VRTN: variants seen among roughly 807,000 people sequenced by gnomAD.
VRTN encodes vertebrae development associated.
In VRTN, 5 loss-of-function variants were observed where a neutral mutation model predicts 18.2. The observed-to-expected ratio is 0.27, with a 90% CI of 0.14 to 0.58. The LOEUF (loss-of-function observed/expected upper bound fraction) is 0.58. VRTN is among the 20% of genes least tolerant of loss of function. The pLI is 0.91. For synonymous variants in VRTN, 381 were observed against 393.7 expected (o/e 0.97, Z 0.38); for missense variants, 741 against 939.4 (o/e 0.79, Z 2.76).
chr14:74,312,754 GT>G (rs57025624), intron 1 of VRTN, among the ~76,000 whole-genome samples: 102 of 130,304 alleles, frequency 7.8e-4, no homozygotes, highest in Admixed American at 7.9e-4. Flanking sequence ...CCTGGCCTGT[GT>G]TTTTTTTTTT....
At position 74,357,548 on chromosome 14, in the gene VRTN, C is replaced by A; in HGVS notation, c.765C>A (p.Ala255=). ...EVEAEGAPGV[A]PALPALAPLS... ...AGGCTGAAGGTGCCCCTGGCGTGGC[C>A]CCAGCTCTTCCAGCCCTGGCCCCAC... The change falls in exon 2 of 2, where the codon GCC becomes GCA. Residue 255 remains alanine, a synonymous_variant. Coordinates refer to ENST00000256362, the MANE Select transcript of VRTN (RefSeq NM_018228.3). This position sits in a 1 kb window ranked among gnomAD's most constrained non-coding sequence, Gnocchi z 7.8. The A allele has an allele frequency of 1.2e-6, 2 of 1,613,750 alleles. No homozygotes were observed. The highest frequency in any genetic ancestry group is 1.7e-6 in the Non-Finnish European group (2 of 1,180,012).
At chr14:74,326,173 A>G (rs2085486426) in intron 1 of VRTN, among the ~76,000 whole-genome samples, 2 of 152,146 alleles carry the variant, frequency 1.3e-5, no homozygotes. Context: ...GATATGTCCA[A>G]GCAGCATCCA....
chr14:74,304,911 G>A (rs1414115351), intron 1 of VRTN, among the ~76,000 whole-genome samples: 2 of 152,134 alleles, frequency 1.3e-5, no homozygotes, highest in East Asian at 1.9e-4. Flanking sequence ...AGCAAGCAAC[G>A]TCACCTCTCT....
intron 1 of VRTN, among the ~76,000 whole-genome samples, chr14:74,336,789 T>C (rs1371285403): frequency 6.6e-6 from 1 of 152,080 alleles, no homozygotes; most frequent in Admixed American, 6.6e-5. Flanking sequence ...AAAAGTTTCC[T>C]CTTGGTAATT....
chr14:74,310,157 G>A (rs992678518), intron 1 of VRTN, among the ~76,000 whole-genome samples: 7 of 152,058 alleles, frequency 4.6e-5, no homozygotes, highest in Non-Finnish European at 8.8e-5. Flanking sequence ...CAGCACTTTT[G>A]GAGGCTGAGG....
chr14:74,346,241 G>C (rs1349063990), upstream of VRTN, among the ~76,000 whole-genome samples: 1 of 151,970 alleles, frequency 6.6e-6, no homozygotes, highest in Non-Finnish European at 1.5e-5. Context: ...GTTTGAGGCT[G>C]CAGTGAGCTA....
chr14:74,347,921 T>A (rs1258761768), upstream of VRTN, among the ~76,000 whole-genome samples: 1 of 152,168 alleles, frequency 6.6e-6, no homozygotes, highest in East Asian at 1.9e-4. Context: ...ATGGTGGAGA[T>A]GCAGCCTTTA....
intron 1 of VRTN, among the ~76,000 whole-genome samples, chr14:74,322,206 G>A (rs538085588): frequency 5.5e-4 from 84 of 151,358 alleles, no homozygotes; most frequent in South Asian, 1.9e-3. Flanking sequence ...GGAGTATAGT[G>A]GCACAGTCAT....
chr14:74,332,335 GTTTTTTTTTTTTTTT>G (rs67857502), intron 1 of VRTN, among the ~76,000 whole-genome samples: 1,187 of 39,458 alleles, frequency 0.03, 20 homozygotes, highest in Non-Finnish European at 0.04. Flanking sequence ...CTCCTAATCT[GTTTTTTTTTTTTTTT>G]TTTTTTTTTT....
intron 1 of VRTN, among the ~76,000 whole-genome samples, chr14:74,307,922 G>A (rs1275283147): frequency 6.6e-6 from 1 of 151,966 alleles, no homozygotes; most frequent in Non-Finnish European, 1.5e-5. Context: ...TAGAGACAGG[G>A]TTTCACCATA....
chr14:74,350,179 G>T (rs74384853), intron 1 of VRTN, among the ~76,000 whole-genome samples: 4 of 152,108 alleles, frequency 2.6e-5, no homozygotes, highest in Admixed American at 1.3e-4. Context: ...GCTTCCCCGT[G>T]CAGCCCCTAC....
At chr14:74,347,315 C>T (rs977337353), upstream of VRTN, among the ~76,000 whole-genome samples, 1 of 152,218 alleles carries the variant, frequency 6.6e-6, no homozygotes, top group African/African-American at 2.4e-5. Flanking sequence ...CCTCAGGCCA[C>T]TGCCATTCCT....
exon 1 of VRTN, chr14:74,303,077 C>G (rs1364761925): frequency 1.5e-6 from 1 of 670,432 alleles, no homozygotes; most frequent in Non-Finnish European, 2.3e-6. Context: ...CTAAAAGTAC[C>G]AGAGAGTGGA....
At chr14:74,314,655 G>A (rs1202693744) in intron 1 of VRTN, among the ~76,000 whole-genome samples, 2 of 151,826 alleles carry the variant, frequency 1.3e-5, no homozygotes, top group Non-Finnish European at 1.5e-5. Flanking sequence ...CGCCTGCCTC[G>A]GCCTCCCAAA....
At chr14:74,333,935 T>C (rs1299281133) in intron 1 of VRTN, among the ~76,000 whole-genome samples, 1 of 152,224 alleles carries the variant, frequency 6.6e-6, no homozygotes, top group African/African-American at 2.4e-5. Context: ...TTCTAGTTGC[T>C]TTACATGCAC....
At chr14:74,310,623 C>T (rs1295015419) in intron 1 of VRTN, among the ~76,000 whole-genome samples, 12 of 150,248 alleles carry the variant, frequency 8.0e-5, no homozygotes, top group African/African-American at 2.2e-4. Flanking sequence ...CTGCAGCCTC[C>T]GCCTCCTGGG....
intron 1 of VRTN, among the ~76,000 whole-genome samples, chr14:74,355,911 A>T (rs994799009): frequency 6.6e-6 from 1 of 150,594 alleles, no homozygotes; most frequent in African/African-American, 2.5e-5. Flanking sequence ...TGCTCACTGC[A>T]GCCTCGGATT....
intron 1 of VRTN, among the ~76,000 whole-genome samples, chr14:74,331,151 G>C (rs569750600): frequency 6.6e-6 from 1 of 150,982 alleles, no homozygotes; most frequent in South Asian, 2.1e-4. Context: ...GCAGTGAGCC[G>C]AGATCGCGCC....
At position 74,320,648 on chromosome 14, in the gene VRTN, G is replaced by A. The variant is rs573221773; in HGVS notation, c.-163-17075G>A. On this transcript the variant is annotated intron_variant, in intron 1 of 2. Transcript: ENST00000557177. ...GTCACCCAGGCTAGAGTGCAGTGGC[G>A]TGATCTCGGCTCACTGCAACCTCTA... is the stretch of plus-strand genomic sequence containing the variant. 2.6e-3 allele frequency among the ~76,000 whole-genome samples: 297 copies of A among 113,798 alleles called. 1 individual carries two copies. Among genetic ancestry groups the A allele is most frequent in the Non-Finnish European group, 4.1e-3 (243 of 58,882 alleles). 74.7% of individuals were successfully genotyped at this position (113,798 alleles called of 152,430 possible).
Sources: allele counts gnomAD v4.1 joint callset (sites outside exome capture counted in the v4.1 genomes callset), GRCh38; gene constraint gnomAD v4.1.1; non-coding constraint Gnocchi (gnomAD v3.1); transcripts MANE v1.5; gene names NCBI Gene and HGNC (gene_info 2026-07-23, HGNC 2026-07-21).